ARHGEF3: variants seen among roughly 807,000 people sequenced by gnomAD.
The protein encoded by ARHGEF3 is Rho guanine nucleotide exchange factor 3.
A neutral mutation model predicts 63.2 loss-of-function variants in ARHGEF3; 28 were observed. The observed-to-expected ratio is 0.44, with a 90% CI of 0.33 to 0.61. The LOEUF is 0.61. ARHGEF3 is among the 20% of genes least tolerant of loss of function. The pLI is 0.03. For synonymous variants in ARHGEF3, 266 were observed against 254.2 expected, an observed-to-expected ratio of 1.05 and a Z score of -0.44; for missense variants, 533 against 659.3, an observed-to-expected ratio of 0.81 and a Z score of 2.10.
chr3:56,770,788 T>G (rs1287031229), intron 2 of ARHGEF3, among the ~76,000 whole-genome samples: 1 of 152,214 alleles, frequency 6.6e-6, no homozygotes, highest in Non-Finnish European at 1.5e-5. Context: ...GCTGGGTTGT[T>G]TCTGGCCAAT....
chr3:56,746,703 C>A (rs1200717529), intron 6 of ARHGEF3, among the ~76,000 whole-genome samples: 1 of 151,816 alleles, frequency 6.6e-6, no homozygotes, highest in Non-Finnish European at 1.5e-5. Context: ...GCTCTCCAGC[C>A]TTGGCAACAG....
At chr3:56,749,173 A>G (rs773591449) in intron 6 of ARHGEF3, among the ~76,000 whole-genome samples, 6 of 152,166 alleles carry the variant, frequency 3.9e-5, no homozygotes, top group Admixed American at 1.3e-4. Context: ...ACAACGGGCC[A>G]GTTGTTTAAT....
At chr3:56,984,924 G>C (rs1173002077) in intron 2 of ARHGEF3, among the ~76,000 whole-genome samples, 1 of 152,162 alleles carries the variant, frequency 6.6e-6, no homozygotes, top group Non-Finnish European at 1.5e-5. Context: ...CCTGCTATCA[G>C]CAAAAGCAAC....
chr3:56,832,296 T>G lies in ARHGEF3; in HGVS notation c.192+49996A>C, dbSNP rs148108540. ...ATTCTTACCATTCAGATTTAACAAC[T>G]CAACATTTTGTTAAATTTGCTTCCA... On this transcript the variant is annotated intron_variant, in intron 4 of 12. Transcript: ENST00000338458. 3.3e-4 allele frequency among the ~76,000 whole-genome samples: 50 copies of G among 152,356 alleles called. No individual in the cohort carries two copies. The East Asian group carries it at 5.8e-3, about 18-fold the overall frequency.
intron 2 of ARHGEF3, among the ~76,000 whole-genome samples, chr3:56,762,129 C>T (rs985407997): frequency 6.6e-6 from 1 of 152,150 alleles, no homozygotes; most frequent in South Asian, 2.1e-4. Flanking sequence ...CCAGACATTG[C>T]CAAATGTTCC....
At chr3:57,004,971 A>AATATAT (rs142618755) in intron 2 of ARHGEF3, among the ~76,000 whole-genome samples, 105 of 148,126 alleles carry the variant, frequency 7.1e-4, no homozygotes, top group African/African-American at 2.5e-3. Flanking sequence ...AAAATAAATA[A>AATATAT]ATATATATAT....
At chr3:57,041,877 C>T (rs961197041) in intron 1 of ARHGEF3, among the ~76,000 whole-genome samples, 1 of 152,190 alleles carries the variant, frequency 6.6e-6, no homozygotes, top group Non-Finnish European at 1.5e-5. Context: ...GGTCCCAAGC[C>T]ACCCGCTCCA....
intron 3 of ARHGEF3, among the ~76,000 whole-genome samples, chr3:56,921,995 A>G (rs1456144348): frequency 6.6e-6 from 1 of 152,136 alleles, no homozygotes; most frequent in Non-Finnish European, 1.5e-5. Flanking sequence ...ATTCTCTCTA[A>G]ACAAATCTGA....
rs138405322 is a variant in ARHGEF3, at chr3:56,978,493, CAATA to C, written c.63-19608_63-19605del. On this transcript the variant is annotated intron_variant, in intron 2 of 12. Transcript: ENST00000338458. The stretch of plus-strand genomic sequence containing the variant: ...TCACAAAATAAAAAACCCAATCAAT[CAATA>C]AACAAACAAAAAGTACTCACCCTCC... 3.2e-3 allele frequency among the ~76,000 whole-genome samples: 492 copies of C among 152,222 alleles called. 1 individual carries two copies. The highest frequency in any genetic ancestry group is 0.011 in the African/African-American group (441 of 41,548).
At chr3:56,739,240 T>C (rs1232607757) in intron 7 of ARHGEF3, among the ~76,000 whole-genome samples, 1 of 152,168 alleles carries the variant, frequency 6.6e-6, no homozygotes, top group Non-Finnish European at 1.5e-5. Flanking sequence ...TGGCAAATGT[T>C]GATAAGGCCT....
intron 2 of ARHGEF3, among the ~76,000 whole-genome samples, chr3:57,021,452 G>A (rs1183508893): frequency 3.3e-5 from 5 of 152,072 alleles, no homozygotes; most frequent in Admixed American, 2.6e-4. Flanking sequence ...ACATACCACC[G>A]CTAGTTAACA....
At chr3:56,855,740 C>T (rs987063354) in intron 4 of ARHGEF3, among the ~76,000 whole-genome samples, 1 of 151,954 alleles carries the variant, frequency 6.6e-6, no homozygotes, top group Non-Finnish European at 1.5e-5. Flanking sequence ...TCTCCTACCC[C>T]CTGTAAATGA....
intron 2 of ARHGEF3, among the ~76,000 whole-genome samples, chr3:56,996,810 G>GGCT (rs1003621511): frequency 9.2e-5 from 14 of 151,902 alleles, no homozygotes; most frequent in African/African-American, 3.1e-4. Flanking sequence ...GTGGCCCGCA[G>GGCT]GCGGGCCCAG....
chr3:56,832,797 A>T (rs1383007180), intron 4 of ARHGEF3, among the ~76,000 whole-genome samples: 2 of 152,204 alleles, frequency 1.3e-5, no homozygotes, highest in African/African-American at 4.8e-5. Context: ...ACAACCACGA[A>T]TCTACTTTCT....
chr3:56,797,242 T>A (rs559533364), intron 1 of ARHGEF3, among the ~76,000 whole-genome samples: 185 of 152,322 alleles, frequency 1.2e-3, no homozygotes, highest in African/African-American at 4.4e-3. Context: ...CTTATTCTAG[T>A]CAATGCCCTT....
At chr3:56,859,020 C>A (rs1228823968) in intron 4 of ARHGEF3, among the ~76,000 whole-genome samples, 1 of 152,130 alleles carries the variant, frequency 6.6e-6, no homozygotes, top group Non-Finnish European at 1.5e-5. Context: ...TTATGAAAGA[C>A]CAAGGATGGG....
At chr3:56,943,012 T>C (rs564057491) in intron 3 of ARHGEF3, among the ~76,000 whole-genome samples, 1 of 152,326 alleles carries the variant, frequency 6.6e-6, no homozygotes, top group African/African-American at 2.4e-5. Flanking sequence ...AGAAGCTGTC[T>C]TCATAACATA....
At chr3:56,967,820 A>T (rs1301140862) in intron 2 of ARHGEF3, among the ~76,000 whole-genome samples, 11 of 72,678 alleles carry the variant, frequency 1.5e-4, no homozygotes, top group East Asian at 9.6e-4. Flanking sequence ...TATATTATAT[A>T]ATATAATATA....
intron 1 of ARHGEF3, chr3:57,079,072 G>T: frequency 3.2e-6 from 1 of 316,782 alleles, no homozygotes; most frequent in Non-Finnish European, 5.8e-6. Flanking sequence ...GGAGGTGGGA[G>T]TGGGGGTCCA....
Sources: allele counts gnomAD v4.1 joint callset (sites outside exome capture counted in the v4.1 genomes callset), GRCh38; gene constraint gnomAD v4.1.1; transcripts MANE v1.5; gene names NCBI Gene and HGNC (gene_info 2026-07-23, HGNC 2026-07-21).